The following UBE2Q2 variants were observed in gnomAD, a reference collection of about 807,000 sequenced individuals.
The protein encoded by UBE2Q2 is ubiquitin-conjugating enzyme E2 Q2.
A neutral mutation model predicts 59.9 loss-of-function variants in UBE2Q2; 54 were observed. The ratio of observed to expected loss-of-function variants is 0.90; its 90% confidence interval spans 0.72 to 1.13. UBE2Q2 has a LOEUF of 1.13. UBE2Q2 is among the 50% of genes most tolerant of loss of function. The pLI is 0.00. For missense variants in UBE2Q2, 433 were observed against 441.9 expected, an observed-to-expected ratio of 0.98 and a Z score of 0.18; for synonymous variants, 165 against 155.2, an observed-to-expected ratio of 1.06 and a Z score of -0.47.
chr15:75,888,245 C>A (rs1313005759), intron 9 of UBE2Q2, among the ~76,000 whole-genome samples: 1 of 152,192 alleles, frequency 6.6e-6, no homozygotes, highest in Non-Finnish European at 1.5e-5. Flanking sequence ...CAGTCACTCC[C>A]TGTACCCGTT....
intron 3 of UBE2Q2, among the ~76,000 whole-genome samples, chr15:75,864,997 ACT>A (rs1266862179): frequency 3.8e-4 from 58 of 152,328 alleles, no homozygotes; most frequent in African/African-American, 1.4e-3. Flanking sequence ...ACATTGCCAT[ACT>A]ATTAAAACTT....
intron 8 of UBE2Q2, among the ~76,000 whole-genome samples, chr15:75,883,090 CATT>C (rs1271623276): frequency 2.6e-5 from 4 of 152,162 alleles, no homozygotes; most frequent in Non-Finnish European, 5.9e-5. Context: ...CCTAGTCTAT[CATT>C]ATTGGAATGG....
chr15:75,889,584 G>A (rs938132406), intron 9 of UBE2Q2, among the ~76,000 whole-genome samples: 7 of 152,158 alleles, frequency 4.6e-5, no homozygotes, highest in Non-Finnish European at 8.8e-5. Context: ...GGAATCTCAA[G>A]CAAGGGAAAG....
intron 1 of UBE2Q2, chr15:75,844,563 G>A (rs934678429): frequency 4.1e-6 from 6 of 1,456,924 alleles, no homozygotes; most frequent in Non-Finnish European, 4.7e-6. Context: ...GGAGATACGC[G>A]CCAGGGCTGC....
rs938605826 is a variant in UBE2Q2, at chr15:75,844,149, T to TGG, written c.180+306_180+307dup. On this transcript the variant is annotated intron_variant, in intron 1 of 12. Coordinates refer to ENST00000267938, the MANE Select transcript of UBE2Q2 (RefSeq NM_173469.4). ...GAGTCCGCGGCGGCCCAAGCCCTTG[T>TGG]GGGGTCCATGGCCGCCCTCAGCCGG... 17 of 1,425,206 alleles carry TGG rather than the reference T, an allele frequency of 1.2e-5. No homozygotes were observed. In the African/African-American group the frequency reaches 2.3e-4, roughly 19 times the overall value. 88.3% of individuals were successfully genotyped at this position (1,425,206 alleles called of 1,614,324 possible). A position where few individuals can be genotyped will look rare whatever the true frequency, so the allele number is the denominator to read the frequency against.
intron 2 of UBE2Q2, among the ~76,000 whole-genome samples, chr15:75,858,546 A>G (rs1174105139): frequency 6.6e-6 from 1 of 151,660 alleles, no homozygotes; most frequent in East Asian, 1.9e-4. Flanking sequence ...TTTCCCTGTG[A>G]TCTCAGTTTC....
At chr15:75,844,070 C>T in intron 1 of UBE2Q2, 2 of 1,410,070 alleles carry the variant, frequency 1.4e-6, no homozygotes, top group Non-Finnish European at 1.8e-6. Context: ...TCGCCAGGGG[C>T]TGGCTTGGGG....
At chr15:75,862,642 C>A (rs2655138) in intron 3 of UBE2Q2, among the ~76,000 whole-genome samples, 8 of 150,300 alleles carry the variant, frequency 5.3e-5, no homozygotes, top group Non-Finnish European at 8.9e-5. Context: ...ATATTGAGAC[C>A]CCATCTTTAC....
At chr15:75,874,651 C>T (rs1415296345) in intron 5 of UBE2Q2, among the ~76,000 whole-genome samples, 1 of 152,166 alleles carries the variant, frequency 6.6e-6, no homozygotes, top group Admixed American at 6.5e-5. Context: ...GTGACAAACA[C>T]ACAATTTATG....
At chr15:75,868,440 G>T (rs1352662395) in intron 3 of UBE2Q2, among the ~76,000 whole-genome samples, 4 of 151,992 alleles carry the variant, frequency 2.6e-5, no homozygotes, top group South Asian at 2.1e-4. Context: ...TAGTGAGGTG[G>T]TAATCATTTC....
At position 75,884,895 on chromosome 15, in the gene UBE2Q2, C is replaced by T. The variant is rs552382552; in HGVS notation, c.884+1471C>T. 2.6e-5 allele frequency among the ~76,000 whole-genome samples: 4 copies of T among 152,262 alleles called. No individual in the cohort carries two copies. The South Asian group carries it at 6.2e-4, about 24-fold the overall frequency. ...AACTCCTGGGCTGAAGCCATCTTAC[C>T]CGCCTCAGCCTTGCAAAGTACTGGG... On this transcript the variant is annotated intron_variant, in intron 9 of 12. Coordinates refer to ENST00000267938, the MANE Select transcript of UBE2Q2 (RefSeq NM_173469.4).
chr15:75,892,308 G>A (rs1478817059), intron 11 of UBE2Q2, among the ~76,000 whole-genome samples: 3 of 152,130 alleles, frequency 2.0e-5, no homozygotes, highest in Admixed American at 2.0e-4. Flanking sequence ...TCAAATCATA[G>A]CATTCAAATA....
In UBE2Q2 at chr15:75,873,520, G is replaced by A; in HGVS notation, c.540G>A (p.Leu180=). ...ATGAAGGAATTGAAAAAGAAAATTTGGCAATATTAGAGAAAATTAGGAAGA... is the reference window on the plus strand; with the variant it reads ...ATGAAGGAATTGAAAAAGAAAATTTAGCAATATTAGAGAAAATTAGGAAGA... ...SEDEGIEKEN[L]AILEKIRKTQ... is the part of the protein sequence containing the mutation. Residue 180 remains leucine, a synonymous_variant, in exon 5 of 13, where the codon TTG becomes TTA. Transcript: ENST00000267938. 6.2e-7 allele frequency: 1 copy of A among 1,613,704 alleles called. No homozygotes were observed. Among genetic ancestry groups the A allele is most frequent in the Non-Finnish European group, 8.5e-7 (1 of 1,179,842 alleles).
intron 8 of UBE2Q2, 137 bp from the exon 9 acceptor site, chr15:75,883,229 G>A (rs1898542484): frequency 1.3e-6 from 1 of 754,076 alleles, no homozygotes; most frequent in Admixed American, 3.4e-5. Flanking sequence ...TTTGGTTTTG[G>A]GTACTAATTT....
chr15:75,893,109 G>T (rs1899196231), intron 11 of UBE2Q2, among the ~76,000 whole-genome samples: 1 of 152,120 alleles, frequency 6.6e-6, no homozygotes, highest in Non-Finnish European at 1.5e-5. Context: ...GAGAGAAATA[G>T]AAGTTGTAAA....
intron 2 of UBE2Q2, among the ~76,000 whole-genome samples, chr15:75,855,612 A>G (rs1342482427): frequency 6.6e-6 from 1 of 152,204 alleles, no homozygotes; most frequent in African/African-American, 2.4e-5. Flanking sequence ...AACCAACTGA[A>G]AAAAAGAGTT....
chr15:75,857,963 T>A (rs771546730), intron 2 of UBE2Q2, among the ~76,000 whole-genome samples: 9 of 152,088 alleles, frequency 5.9e-5, no homozygotes, highest in African/African-American at 2.2e-4. Flanking sequence ...TTAAGAAAAA[T>A]TGGCTTCTGT....
Position 75,844,680 on chromosome 15 carries a change from G to A in UBE2Q2, c.180+834G>A, listed in dbSNP as rs554375147. ...CCCAAGGCTTGGTAAAGGAATTGAAGTATTAAGTTTCTCCATAAAAGTGTA... is the reference window on the plus strand; with the variant it reads ...CCCAAGGCTTGGTAAAGGAATTGAAATATTAAGTTTCTCCATAAAAGTGTA... On this transcript the variant is annotated intron_variant, in intron 1 of 12. Coordinates refer to ENST00000267938, the MANE Select transcript of UBE2Q2 (RefSeq NM_173469.4). The A allele has an allele frequency of 5.1e-5, 28 of 552,146 alleles. No homozygotes were observed. The South Asian group carries it at 6.7e-4, about 13-fold the overall frequency. The allele number at this position is 552,146 out of a possible 1,614,324, so 34.2% of individuals were successfully genotyped here.
chr15:75,843,928 GC>G, intron 1 of UBE2Q2, 82 bp downstream of exon 1: 1 of 1,431,150 alleles, frequency 7.0e-7, no homozygotes, highest in South Asian at 1.5e-5. Flanking sequence ...AGGGGAGCCT[GC>G]CCCGGAGAGG....
Sources: allele counts gnomAD v4.1 joint callset (sites outside exome capture counted in the v4.1 genomes callset), GRCh38; gene constraint gnomAD v4.1.1; transcripts MANE v1.5; gene names NCBI Gene and HGNC (gene_info 2026-07-23, HGNC 2026-07-21).